Variants in ELOVL6 observed in about 807,000 individuals in gnomAD.
ELOVL6 encodes the protein very long chain fatty acid elongase 6.
ELOVL6 carries 8 observed loss-of-function variants against 31.7 expected under a neutral mutation model. The observed-to-expected ratio is 0.25, with a 90% CI of 0.15 to 0.45. The LOEUF is 0.45. Among genes scored for constraint, ELOVL6 ranks in the 20% least tolerant of loss-of-function variants. The pLI, the probability that ELOVL6 is intolerant of heterozygous loss-of-function variation, is 1.00. For missense variants in ELOVL6, 126 were observed against 326.4 expected (o/e 0.39, Z 4.73); for synonymous variants, 101 against 117.7 (o/e 0.86, Z 0.92).
chr4:110,071,043 A>AG (rs1370701547), intron 2 of ELOVL6, among the ~76,000 whole-genome samples: 1 of 152,126 alleles, frequency 6.6e-6, no homozygotes, highest in East Asian at 1.9e-4. Flanking sequence ...AAAACCAGGG[A>AG]GGGAAAAAAG....
At chr4:110,171,363 C>A (rs774464840) in intron 1 of ELOVL6, among the ~76,000 whole-genome samples, 1 of 151,810 alleles carries the variant, frequency 6.6e-6, no homozygotes, top group Admixed American at 6.6e-5. Flanking sequence ...GAGCCAAGAT[C>A]GCGCCATTGC....
At chr4:110,094,743 G>T (rs1756529984) in intron 2 of ELOVL6, among the ~76,000 whole-genome samples, 1 of 151,876 alleles carries the variant, frequency 6.6e-6, no homozygotes, top group Non-Finnish European at 1.5e-5. Flanking sequence ...ATTTCTTGAT[G>T]CATGTATGCA....
intron 2 of ELOVL6, among the ~76,000 whole-genome samples, chr4:110,091,102 G>A (rs1756415840): frequency 6.6e-6 from 1 of 152,182 alleles, no homozygotes. Context: ...GAAGATGTTT[G>A]TTTGCTTTTA....
chr4:110,113,257 C>T (rs1757087097), intron 1 of ELOVL6, among the ~76,000 whole-genome samples: 2 of 146,138 alleles, frequency 1.4e-5, no homozygotes, highest in African/African-American at 5.0e-5. Context: ...GGAAAGCTTG[C>T]CATCACCCCC....
At chr4:110,102,970 T>C (rs1756793487) in intron 2 of ELOVL6, among the ~76,000 whole-genome samples, 1 of 152,130 alleles carries the variant, frequency 6.6e-6, no homozygotes, top group East Asian at 1.9e-4. Flanking sequence ...AATCGAATCA[T>C]AGGGGCTGGT....
At chr4:110,069,115 G>A (rs1442702335) in intron 2 of ELOVL6, among the ~76,000 whole-genome samples, 1 of 145,024 alleles carries the variant, frequency 6.9e-6, no homozygotes, top group East Asian at 2.0e-4. Context: ...GGGTGACAGA[G>A]CAAGACTCTG....
chr4:110,099,737 C>T (rs1756686898), intron 2 of ELOVL6, among the ~76,000 whole-genome samples: 1 of 152,152 alleles, frequency 6.6e-6, no homozygotes, highest in African/African-American at 2.4e-5. Flanking sequence ...CTGGTAGAGG[C>T]TCCTTGAATC....
At chr4:110,181,603 A>G (rs1214212417) in intron 1 of ELOVL6, among the ~76,000 whole-genome samples, 1 of 112,750 alleles carries the variant, frequency 8.9e-6, no homozygotes, top group Non-Finnish European at 1.7e-5. Flanking sequence ...AACTTGATCA[A>G]CTACAGGGTT....
chr4:110,067,981 C>T lies in ELOVL6; in HGVS notation c.222-8227G>A, dbSNP rs113187113. ...AGTCTGAATGTTACTTAGACATTAA[C>T]GCCTTTCACAGAGCTCTCCTCTGAG... On this transcript the variant is annotated intron_variant, in intron 2 of 3. Coordinates refer to ENST00000302274, the MANE Select transcript of ELOVL6 (RefSeq NM_024090.3). Among the ~76,000 whole-genome samples, 246 of 152,198 alleles carry T rather than the reference C, an allele frequency of 1.6e-3. 3 individuals are homozygous for T. The South Asian group carries it at 0.024, about 15-fold the overall frequency.
chr4:110,155,918 T>C (rs559914063), intron 1 of ELOVL6, among the ~76,000 whole-genome samples: 1 of 152,338 alleles, frequency 6.6e-6, no homozygotes, highest in Admixed American at 6.5e-5. Flanking sequence ...TGAGAACCAC[T>C]GCCCTGAATA....
chr4:110,143,793 C>T (rs112469958), intron 1 of ELOVL6, among the ~76,000 whole-genome samples: 5,314 of 152,170 alleles, frequency 0.035, 314 homozygotes, highest in African/African-American at 0.12. Context: ...CAGTGGCTCA[C>T]GCCTGTAATC....
chr4:110,065,371 A>C (rs1755271327), intron 2 of ELOVL6, among the ~76,000 whole-genome samples: 1 of 152,180 alleles, frequency 6.6e-6, no homozygotes, highest in South Asian at 2.1e-4. Context: ...TCATGGCTGT[A>C]ATCCTAGCAC....
chr4:110,115,299 C>T (rs1011430999), intron 1 of ELOVL6, among the ~76,000 whole-genome samples: 2 of 151,998 alleles, frequency 1.3e-5, no homozygotes, highest in African/African-American at 4.8e-5. Context: ...ATCAAATGTA[C>T]ATAAGAAATT....
chr4:110,138,722 A>C (rs571040601), intron 1 of ELOVL6, among the ~76,000 whole-genome samples: 1 of 138,258 alleles, frequency 7.2e-6, no homozygotes, highest in South Asian at 2.5e-4. Context: ...TTGTGTGATA[A>C]GATGTGTGGA....
At chr4:110,096,561 G>A (rs1756585174) in intron 2 of ELOVL6, among the ~76,000 whole-genome samples, 1 of 152,166 alleles carries the variant, frequency 6.6e-6, no homozygotes, top group Non-Finnish European at 1.5e-5. Flanking sequence ...TTTTATTCAA[G>A]GGGGTGGGTG....
intron 1 of ELOVL6, among the ~76,000 whole-genome samples, chr4:110,186,114 C>T (rs967843291): frequency 3.3e-5 from 5 of 152,038 alleles, no homozygotes; most frequent in Admixed American, 6.6e-5. Flanking sequence ...CGCTTGAACC[C>T]GGGAAGCGGA....
At chr4:110,194,381 T>C (rs1307467567) in intron 1 of ELOVL6, among the ~76,000 whole-genome samples, 1 of 152,190 alleles carries the variant, frequency 6.6e-6, no homozygotes, top group African/African-American at 2.4e-5. Flanking sequence ...GACAGGATAT[T>C]TTTCACTGGA....
chr4:110,157,181 C>T (rs1758457322), intron 1 of ELOVL6, among the ~76,000 whole-genome samples: 1 of 152,148 alleles, frequency 6.6e-6, no homozygotes, highest in South Asian at 2.1e-4. Context: ...CCCCTAGTGT[C>T]AAGTAACCAC....
At chr4:110,169,995 G>C (rs1252701993) in intron 1 of ELOVL6, among the ~76,000 whole-genome samples, 1 of 150,684 alleles carries the variant, frequency 6.6e-6, no homozygotes, top group Non-Finnish European at 1.5e-5. Flanking sequence ...AGTAGAGATG[G>C]GGGTTTACCA....
Sources: gnomAD v4.1 joint callset for allele counts (sites outside exome capture counted in the v4.1 genomes callset) on GRCh38, gnomAD v4.1.1 for gene constraint, MANE v1.5 for transcripts, NCBI Gene and HGNC (gene_info 2026-07-23, HGNC 2026-07-21) for gene names.